Variants in SPTBN5 observed in about 807,000 individuals in gnomAD.
SPTBN5 encodes the protein spectrin beta, non-erythrocytic 5.
A neutral mutation model predicts 477.6 loss-of-function variants in SPTBN5; 513 were observed. That is an observed-to-expected ratio of 1.07 (90% confidence interval 1.00 to 1.16). The LOEUF is 1.16. Ranked by LOEUF, SPTBN5 falls within the 50% of genes most tolerant of loss-of-function variation. The pLI is 0.00. For synonymous variants in SPTBN5, 2,169 were observed against 2,011.7 expected, an observed-to-expected ratio of 1.08 and a Z score of -2.09; for missense variants, 5,062 against 4,731.8, an observed-to-expected ratio of 1.07 and a Z score of -2.05.
chr15:41,861,459 A>C lies in SPTBN5; in HGVS notation c.7775T>G (p.Leu2592Arg). The C allele has an allele frequency of 6.2e-7, 1 of 1,613,632 alleles. No homozygotes were observed. Among genetic ancestry groups the C allele is most frequent in the Non-Finnish European group, 8.5e-7 (1 of 1,179,882 alleles). Residue 2592 changes from leucine (L) to arginine (R), a missense_variant, in exon 46 of 68, where the codon CTT becomes CGT. Leu to Arg is a moderately radical substitution (Grantham distance 102). Coordinates refer to ENST00000320955, the MANE Select transcript of SPTBN5 (RefSeq NM_016642.4). ...GGCTAGGGAGTCTTCCTTGCTGCAA[A>C]GCCAACGTTCCATCTTCTCCACTGA... ...LSSVEKMERW[L>R]CSKEDSLASE...
In SPTBN5 at chr15:41,862,247, T is replaced by C. The variant is rs1236234058; in HGVS notation, c.7431A>G (p.Ala2477=). The C allele has an allele frequency of 6.2e-7, 1 of 1,610,844 alleles. No individual in the cohort carries two copies. The part of the protein sequence containing the change: ...DALHQAQKLQ[A]MLQELLVSAQ... Reference sequence around the variant, plus strand: ...CGCTGACCAGCAATTCCTGCAGCATTGCCTGGAGTTTCTGAGCTTGGTGCA... The same window carrying C: ...CGCTGACCAGCAATTCCTGCAGCATCGCCTGGAGTTTCTGAGCTTGGTGCA... The change falls in exon 44 of 68, where the codon GCA becomes GCG. Residue 2477 remains alanine (A), a synonymous_variant. Transcript: ENST00000320955.
chr15:41,871,251 G>A, intron 29 of SPTBN5, 124 bp downstream of exon 29: 3 of 1,152,330 alleles, frequency 2.6e-6, no homozygotes, highest in African/African-American at 1.6e-5. Context: ...CCCCTGCAGA[G>A]CCCCGTGGGC....
chr15:41,854,954 G>A lies in SPTBN5; in HGVS notation c.9446C>T (p.Ala3149Val). The A allele has an allele frequency of 1.9e-6, 3 of 1,553,122 alleles. No homozygotes were observed. Among genetic ancestry groups the A allele is most frequent in the Non-Finnish European group, 1.7e-6 (2 of 1,150,448 alleles). The change falls in exon 56 of 68, where the codon GCT becomes GTT. Residue 3149 changes from alanine to valine, a missense_variant. Coordinates refer to ENST00000320955, the MANE Select transcript of SPTBN5 (RefSeq NM_016642.4). The stretch of plus-strand genomic sequence containing the variant: ...CAGGCTCTGCACTTCCTTTCTGAAA[G>A]CATCAAACTTCTCTTCCAGCACCTG... ...GVKVLEEKFDAFRKEVQSLGQ... is the reference protein window; with the variant it reads ...GVKVLEEKFDVFRKEVQSLGQ...
At chr15:41,850,510 AAC>A (rs1047794415) in intron 66 of SPTBN5, 8 of 314,330 alleles carry the variant, frequency 2.5e-5, no homozygotes, top group Non-Finnish European at 4.1e-5. Flanking sequence ...GATCAGACAG[AAC>A]AGAGCCTGGA....
intron 55 of SPTBN5, 62 bp from the exon 56 acceptor site, chr15:41,855,038 T>G (rs989382623): frequency 2.1e-5 from 31 of 1,492,966 alleles, no homozygotes; most frequent in Non-Finnish European, 2.7e-5. Context: ...TCAAAGCTCA[T>G]GAAGAGCTCA....
chr15:41,873,811 C>A (rs754255222), intron 25 of SPTBN5, 34 bp downstream of exon 25: 2 of 1,604,606 alleles, frequency 1.2e-6, no homozygotes, highest in Admixed American at 1.7e-5. Flanking sequence ...CTGACTTCTG[C>A]CTCTTCCCCC....
At position 41,851,050 on chromosome 15, in the gene SPTBN5, T is replaced by C. The variant is rs762889126; in HGVS notation, c.10835+9A>G. On this transcript the variant is annotated intron_variant, in intron 65 of 67. Transcript: ENST00000320955. ...GGGGTGATGCCGGAGTCCATGTCTC[T>C]CCGCTCACCTTAAGGAGAATGTGTG... 1.6e-4 allele frequency: 264 copies of C among 1,609,674 alleles called. No homozygotes were observed. Among genetic ancestry groups the C allele is most frequent in the Admixed American group, 1.3e-4 (8 of 59,536 alleles).
chr15:41,850,950 C>CAT lies in SPTBN5; in HGVS notation c.10836-12_10836-11insAT, dbSNP rs386382834. 6.3e-7 allele frequency: 1 copy of CAT among 1,597,812 alleles called. No homozygotes were observed. Among genetic ancestry groups the CAT allele is most frequent in the South Asian group, 1.1e-5 (1 of 88,288 alleles). On this transcript the variant is annotated splice_polypyrimidine_tract_variant and intron_variant, in intron 65 of 67. Transcript: ENST00000320955. ...GCCCCACTGGTCAGCCTGGCACCCA[C>CAT]AGTCACAGGTCAAACTCCACTGTCC...
chr15:41,873,816 TC>T, intron 25 of SPTBN5, 28 bp downstream of exon 25: 1 of 1,605,844 alleles, frequency 6.2e-7, no homozygotes. Context: ...TTCTGCCTCT[TC>T]CCCCAACCCC....
rs374149885 is a variant in SPTBN5 at position 41,858,710 on chromosome 15, C to T, written c.8118G>A (p.Leu2706=). The T allele has an allele frequency of 6.2e-7, 1 of 1,609,874 alleles. No homozygotes were observed. Among genetic ancestry groups the T allele is most frequent in the South Asian group, 1.1e-5 (1 of 90,086 alleles). Residue 2706 remains leucine, a synonymous_variant, in exon 49 of 68, where the codon TTG becomes TTA. Coordinates refer to ENST00000320955, the MANE Select transcript of SPTBN5 (RefSeq NM_016642.4). The part of the protein sequence containing the change: ...AWLREKNLVA[L]EEGLLDTAML... ...TGGCTGTGTCCAGCAAACCCTCCTC[C>T]AAGGCCACCAGGTTCTTCTCCCTCA...
intron 33 of SPTBN5, 46 bp from the exon 34 acceptor site, chr15:41,868,264 G>A (rs1221781557): frequency 6.4e-7 from 1 of 1,571,666 alleles, no homozygotes; most frequent in Admixed American, 1.9e-5. Flanking sequence ...GGGTGGTGTG[G>A]GTGAGGTGAG....
chr15:41,849,951 G>C lies in SPTBN5; in HGVS notation c.10930C>G (p.Leu3644Val). The change falls in exon 67 of 68, where the codon CTG becomes GTG. Residue 3644 changes from leucine to valine, a missense_variant. Physicochemically the swap from Leu to Val is conservative, Grantham distance 32. Transcript: ENST00000320955. ...RALGSTAAQSLSPKLKAKPVS... is the reference protein window; with the variant it reads ...RALGSTAAQSVSPKLKAKPVS... ...GGTTTGGCTTTGAGTTTTGGGCTCA[G>C]ACTCTGGGCTGCAGAGCAAGGGAAT... The C allele has an allele frequency of 1.3e-6, 2 of 1,591,638 alleles. No individual in the cohort carries two copies. Among genetic ancestry groups the C allele is most frequent in the East Asian group, 2.3e-5 (1 of 43,936 alleles).
In SPTBN5 at chr15:41,858,625, G is replaced by T. The variant is rs909027593; in HGVS notation, c.8203C>A (p.His2735Asn). ...NFQAELDASM[H>N]QQQELQREGQ... ...ACCCGCTGCAGCTCCTGCTGTTGGT[G>T]CATGCTCGCGTCCAGCTCCGCCTGG... is the stretch of plus-strand genomic sequence containing the variant. Residue 2735 changes from histidine to asparagine, a missense_variant, in exon 49 of 68, where the codon CAC becomes AAC. His to Asn is a moderately conservative substitution (Grantham distance 68). Transcript: ENST00000320955. 2 of 1,611,232 alleles carry T rather than the reference G, an allele frequency of 1.2e-6. No individual in the cohort carries two copies. Among genetic ancestry groups the T allele is most frequent in the African/African-American group, 1.3e-5 (1 of 75,034 alleles).
chr15:41,853,465 G>A lies in SPTBN5; in HGVS notation c.9981-18C>T, dbSNP rs1384519499. 6.4e-7 allele frequency: 1 copy of A among 1,557,074 alleles called. No individual in the cohort carries two copies. The highest frequency in any genetic ancestry group is 1.2e-5 in the South Asian group (1 of 85,860). ...CCCATGCTCTGTGGGGCAGGGAAGG[G>A]AGCTGTTGTCAGGGCTGGCTGGGGA... On this transcript the variant is annotated intron_variant, in intron 58 of 67. Coordinates refer to ENST00000320955, the MANE Select transcript of SPTBN5 (RefSeq NM_016642.4).
Position 41,890,170 on chromosome 15 carries a change from C to G in SPTBN5, c.420G>C (p.Val140=). ...CCAGGATGAGTGTCTGGTCTCCGTC[C>G]ACGATGTTCTCTGGCCCGATGAGTG... ...PVPLIGPENI[V]DGDQTLILGL... Residue 140 remains valine, a synonymous_variant, in exon 4 of 68, where the codon GTG becomes GTC. Coordinates refer to ENST00000320955, the MANE Select transcript of SPTBN5 (RefSeq NM_016642.4). 6.2e-7 allele frequency: 1 copy of G among 1,613,090 alleles called. No homozygotes were observed. The highest frequency in any genetic ancestry group is 8.5e-7 in the Non-Finnish European group (1 of 1,179,558).
In SPTBN5 at chr15:41,852,324, A is replaced by AGTGGGCAAG. The variant is rs776188724; in HGVS notation, c.10450-17_10450-9dup. On this transcript the variant is annotated splice_polypyrimidine_tract_variant and intron_variant, in intron 61 of 67. Transcript: ENST00000320955. ...CAGGAGCTCCTGTTCCATCTTGGGG[A>AGTGGGCAAG]GTGGGCAAGGTGGGCAAGGTGAGCC... 7 of 1,568,048 alleles carry AGTGGGCAAG rather than the reference A, an allele frequency of 4.5e-6. No individual in the cohort carries two copies. The highest frequency in any genetic ancestry group is 2.7e-5 in the African/African-American group (2 of 73,846).
chr15:41,893,683 C>T, intron 1 of SPTBN5, 137 bp from the exon 2 acceptor site: 1 of 1,105,206 alleles, frequency 9.0e-7, no homozygotes, highest in Non-Finnish European at 1.3e-6. Flanking sequence ...AGGGCCAGTG[C>T]TTCTGGTCCC....
At chr15:41,864,151 A>G (rs558522087) in intron 39 of SPTBN5, 127 bp from the exon 40 acceptor site, 7 of 783,866 alleles carry the variant, frequency 8.9e-6, no homozygotes, top group Middle Eastern at 3.8e-4. Flanking sequence ...GGCAGTGGGA[A>G]GAACTGCCTC....
rs779138393 is a variant in SPTBN5 at position 41,849,862 on chromosome 15, G to A, written c.11012+7C>T. ...CCCGCCCTGCTTCCCCCACCCAGGT[G>A]TCCCACCTGAGTAGACATCCAGGCC... is the stretch of plus-strand genomic sequence containing the variant. On this transcript the variant is annotated splice_region_variant and intron_variant, in intron 67 of 67. Transcript: ENST00000320955. 2.6e-6 allele frequency: 4 copies of A among 1,564,554 alleles called. No individual in the cohort carries two copies. The highest frequency in any genetic ancestry group is 2.6e-6 in the Non-Finnish European group (3 of 1,154,202).
Sources: gnomAD v4.1 joint callset for allele counts on GRCh38, gnomAD v4.1.1 for gene constraint, MANE v1.5 for transcripts, NCBI Gene and HGNC (gene_info 2026-07-23, HGNC 2026-07-21) for gene names.